Variants in MICAL3 observed in about 807,000 individuals in gnomAD.
The protein encoded by MICAL3 is microtubule associated monooxygenase, calponin and LIM domain containing 3, also known as [F-actin]-monooxygenase MICAL3.
In MICAL3, 62 loss-of-function variants were observed where a neutral mutation model predicts 207.4. That is an observed-to-expected ratio of 0.30 (90% CI 0.24 to 0.37). The LOEUF is 0.37. Among genes scored for constraint, MICAL3 ranks in the 10% least tolerant of loss-of-function variants. The probability of loss-of-function intolerance (pLI) is 1.00; values close to 1 mark genes in which losing one functional copy is unlikely to be tolerated. For missense variants in MICAL3, 2,368 were observed against 2,635.6 expected (o/e 0.90, Z 2.22); for synonymous variants, 1,077 against 1,069.3 (o/e 1.01, Z -0.14).
intron 1 of MICAL3, among the ~76,000 whole-genome samples, chr22:17,978,515 C>T (rs1045363272): frequency 2.4e-4 from 36 of 150,600 alleles, no homozygotes; most frequent in Admixed American, 2.2e-3. Context: ...TTGAACTGTA[C>T]ACTTTTTTTT....
Position 17,861,194 on chromosome 22 carries a change from A to T in MICAL3, c.2605+3705T>A, listed in dbSNP as rs113946542. On this transcript the variant is annotated intron_variant, in intron 19 of 31. Transcript: ENST00000441493. ...CAGGTGGGAACCCTAGGGTTGAATGAAATTCTACTGCCTGGCTACCCTTCT... is the reference window on the plus strand; with the variant it reads ...CAGGTGGGAACCCTAGGGTTGAATGTAATTCTACTGCCTGGCTACCCTTCT... 1.5e-4 allele frequency: 148 copies of T among 985,398 alleles called. 1 individual carries two copies. The African/African-American group carries it at 2.3e-3, about 15-fold the overall frequency. 61.0% of individuals were successfully genotyped at this position (985,398 alleles called of 1,614,324 possible).
intron 20 of MICAL3, among the ~76,000 whole-genome samples, chr22:17,835,130 C>G (rs754698575): frequency 9.2e-5 from 14 of 152,252 alleles, no homozygotes; most frequent in Non-Finnish European, 1.5e-4. Flanking sequence ...CCAGCGAGGC[C>G]AGCCCACAGC....
At chr22:17,925,223 C>A (rs762569424) in intron 1 of MICAL3, among the ~76,000 whole-genome samples, 8 of 152,170 alleles carry the variant, frequency 5.3e-5, no homozygotes, top group Non-Finnish European at 1.2e-4. Context: ...ACATCAGGAC[C>A]TCTGAAGGGC....
chr22:18,013,188 T>G (rs1923854734), intron 1 of MICAL3, among the ~76,000 whole-genome samples: 1 of 152,224 alleles, frequency 6.6e-6, no homozygotes, highest in Non-Finnish European at 1.5e-5. Flanking sequence ...TCTTGAGATC[T>G]CTTCAGCTGG....
Position 17,959,163 on chromosome 22 carries a change from C to T in MICAL3, c.-74-52277G>A, listed in dbSNP as rs181142070. Among the ~76,000 whole-genome samples the T allele has an allele frequency of 4.5e-3, 686 of 151,412 alleles. 4 individuals are homozygous for T. Among genetic ancestry groups the T allele is most frequent in the Non-Finnish European group, 7.1e-3 (482 of 67,876 alleles). On this transcript the variant is annotated intron_variant, in intron 1 of 31. Coordinates refer to ENST00000441493, the MANE Select transcript of MICAL3 (RefSeq NM_015241.3). The stretch of plus-strand genomic sequence containing the variant: ...CCCGAGTAGCTGAGACTGCAGGCGC[C>T]CACCACCACGCCCGGCTAATTTTTT...
In MICAL3 at chr22:17,896,364, G is replaced by A. The variant is rs376922414; in HGVS notation, c.1207-3C>T. 88 of 1,491,022 alleles carry A rather than the reference G, an allele frequency of 5.9e-5. No individual in the cohort carries two copies. Among genetic ancestry groups the A allele is most frequent in the Non-Finnish European group, 7.6e-5 (83 of 1,091,540 alleles). 92.4% of individuals were successfully genotyped at this position (1,491,022 alleles called of 1,614,324 possible). A position where few individuals can be genotyped will look rare whatever the true frequency, so the allele number is the denominator to read the frequency against. On this transcript the variant is annotated splice_region_variant and splice_polypyrimidine_tract_variant and intron_variant, in intron 8 of 31. Coordinates refer to ENST00000441493, the MANE Select transcript of MICAL3 (RefSeq NM_015241.3). ...CCTGTTCCCATTGGCCAGAAAGGCT[G>A]TAGATAAGACATAAAACAAATAATT...
chr22:18,012,317 C>T (rs1041102586), intron 1 of MICAL3, among the ~76,000 whole-genome samples: 3 of 152,206 alleles, frequency 2.0e-5, no homozygotes, highest in African/African-American at 7.2e-5. Context: ...CCCTGAGGAG[C>T]GAGTGGACAG....
chr22:17,881,192 C>A (rs1211955417), intron 16 of MICAL3: 2 of 1,604,596 alleles, frequency 1.2e-6, no homozygotes, highest in Non-Finnish European at 1.7e-6. Context: ...ATGGAGCATG[C>A]AGAGAGGATC....
chr22:17,811,721 C>T (rs2062049957), intron 27 of MICAL3, among the ~76,000 whole-genome samples: 1 of 152,184 alleles, frequency 6.6e-6, no homozygotes, highest in Admixed American at 6.5e-5. Context: ...TCTTTATTGC[C>T]TCTAAGAAAA....
At chr22:17,978,512 G>T (rs922865485) in intron 1 of MICAL3, among the ~76,000 whole-genome samples, 28 of 150,886 alleles carry the variant, frequency 1.9e-4, no homozygotes, top group African/African-American at 6.9e-4. Flanking sequence ...CCATTGAACT[G>T]TACACTTTTT....
chr22:17,841,400 A>C lies in MICAL3; in HGVS notation c.2801+422T>G. On this transcript the variant is annotated intron_variant, in intron 20 of 31. Transcript: ENST00000441493. The surrounding 1 kb of genome is among the most constrained non-coding windows in gnomAD (Gnocchi z 4.2). ...GCACACATTTTCAGTCCCTTTCTTT[A>C]CCTACAGGAGAAAAAAAGATGCCTG... 1 of 304,816 alleles carries C rather than the reference A, an allele frequency of 3.3e-6. No individual in the cohort carries two copies. The highest frequency in any genetic ancestry group is 6.1e-6 in the Non-Finnish European group (1 of 162,994). The allele number at this position is 304,816 out of a possible 1,614,324, so 18.9% of individuals were successfully genotyped here. A position where few individuals can be genotyped will look rare whatever the true frequency, so the allele number is the denominator to read the frequency against.
intron 1 of MICAL3, among the ~76,000 whole-genome samples, chr22:17,973,452 C>T (rs1299858636): frequency 2.6e-5 from 4 of 152,160 alleles, no homozygotes; most frequent in South Asian, 4.1e-4. Context: ...AGGCCCAGGA[C>T]GGAGCCACAC....
rs548371442 is a variant in MICAL3, at chr22:17,790,718, C to G, written c.*14G>C. 3.2e-6 allele frequency: 5 copies of G among 1,576,676 alleles called. No homozygotes were observed. Among genetic ancestry groups the G allele is most frequent in the Non-Finnish European group, 4.3e-6 (5 of 1,160,384 alleles). ...AGGCGGATGCCAACAGAAAATGGAG[C>G]GTTGGGTGGGAGCTCAGGACCAGTT... On this transcript the variant is annotated 3_prime_UTR_variant, in exon 32 of 32. Coordinates refer to ENST00000441493, the MANE Select transcript of MICAL3 (RefSeq NM_015241.3).
chr22:17,849,132 G>A (rs1464846402), intron 19 of MICAL3, among the ~76,000 whole-genome samples: 1 of 152,240 alleles, frequency 6.6e-6, no homozygotes, highest in Non-Finnish European at 1.5e-5. Flanking sequence ...GGGATAAGCA[G>A]CAGTGTTTGT....
intron 1 of MICAL3, among the ~76,000 whole-genome samples, chr22:17,928,997 G>A (rs969794014): frequency 6.6e-6 from 1 of 151,414 alleles, no homozygotes; most frequent in Non-Finnish European, 1.5e-5. Flanking sequence ...GTTTCACTGT[G>A]TTAGCCAGGA....
At chr22:17,887,297 G>A (rs369283523) in intron 14 of MICAL3, 26 bp downstream of exon 14, 59 of 1,609,750 alleles carry the variant, frequency 3.7e-5, no homozygotes, top group Non-Finnish European at 3.9e-5. Flanking sequence ...TAGCTTTGCA[G>A]CCCATCAAGA....
chr22:18,002,231 T>A (rs1923082036), intron 1 of MICAL3, among the ~76,000 whole-genome samples: 1 of 151,626 alleles, frequency 6.6e-6, no homozygotes, highest in African/African-American at 2.4e-5. Context: ...GGAGACTTGT[T>A]TGTTGCTCTT....
intron 1 of MICAL3, among the ~76,000 whole-genome samples, chr22:18,011,516 C>T (rs1385916932): frequency 2.0e-5 from 3 of 151,016 alleles, no homozygotes; most frequent in South Asian, 4.2e-4. Context: ...TGCAGTGAGC[C>T]GAGATCACGC....
chr22:17,998,707 C>T (rs112869003), intron 1 of MICAL3, among the ~76,000 whole-genome samples: 4,916 of 151,976 alleles, frequency 0.032, 119 homozygotes, highest in African/African-American at 0.07. Flanking sequence ...ATTACAGGCG[C>T]GCACCACCAC....
Sources: allele counts gnomAD v4.1 joint callset (sites outside exome capture counted in the v4.1 genomes callset), GRCh38; gene constraint gnomAD v4.1.1; non-coding constraint Gnocchi (gnomAD v3.1); transcripts MANE v1.5; gene names NCBI Gene and HGNC (gene_info 2026-07-23, HGNC 2026-07-21).